The following CCP110 variants were observed in gnomAD, a reference collection of about 807,000 sequenced individuals.
The protein encoded by CCP110 is centriolar coiled-coil protein 110, also known as centriolar coiled-coil protein of 110 kDa.
CCP110 carries 43 observed loss-of-function variants against 105.5 expected under a neutral mutation model. That is an observed-to-expected ratio of 0.41 (90% confidence interval 0.32 to 0.53). CCP110 has a LOEUF of 0.53. Ranked by LOEUF, CCP110 falls within the 20% of genes least tolerant of loss-of-function variation. The pLI is 0.32. For synonymous variants in CCP110, 353 were observed against 392.1 expected, an observed-to-expected ratio of 0.90 and a Z score of 1.18; for missense variants, 1,016 against 1,189.1, an observed-to-expected ratio of 0.85 and a Z score of 2.14.
At chr16:19,547,601 G>C (rs1970506493) in intron 12 of CCP110, 1 of 172,562 alleles carries the variant, frequency 5.8e-6, no homozygotes, top group Non-Finnish European at 1.2e-5. Flanking sequence ...TTTCTGACCT[G>C]TTTTTTACTC....
At chr16:19,552,526 C>CAAAAAAA (rs11358961) in exon 15 of CCP110, 1 of 92,786 alleles carries the variant, frequency 1.1e-5, no homozygotes, top group Non-Finnish European at 2.5e-5. Flanking sequence ...GACACTGTCT[C>CAAAAAAA]AAAAAAAAAA....
At chr16:19,551,507 G>T in exon 15 of CCP110, 1 of 451,474 alleles carries the variant, frequency 2.2e-6, no homozygotes, top group Non-Finnish European at 4.0e-6. Context: ...ACAAACATAA[G>T]TTTATTTTAT....
chr16:19,524,303 G>A lies in CCP110; in HGVS notation c.-16+215G>A, dbSNP rs113007811. Among the ~76,000 whole-genome samples, 5 of 152,268 alleles carry A rather than the reference G, an allele frequency of 3.3e-5. No homozygotes were observed. The South Asian group carries it at 1.0e-3, about 32-fold the overall frequency. On this transcript the variant is annotated intron_variant, in intron 1 of 14. Transcript: ENST00000381396. ...GATGCTCCGATGCTGGCCCCGCCTG[G>A]AGGGCCCTCGGTTTGGAGTCTTAAA... is the stretch of plus-strand genomic sequence containing the variant.
chr16:19,531,839 G>A (rs537320807), intron 2 of CCP110, among the ~76,000 whole-genome samples: 2 of 152,124 alleles, frequency 1.3e-5, no homozygotes, highest in Admixed American at 1.3e-4. Context: ...GGTGGCACGC[G>A]CCTGTAAGCC....
rs1194551913 is a variant in CCP110, at chr16:19,551,146, T to C, written c.2987-50T>C. The C allele has an allele frequency of 2.8e-6, 3 of 1,080,986 alleles. No homozygotes were observed. In the African/African-American group the frequency reaches 4.7e-5, roughly 17 times the overall value. The allele number at this position is 1,080,986 out of a possible 1,614,324, so 67.0% of individuals were successfully genotyped here. ...GTAAAAACTCATTAAATGGTATCAT[T>C]ATAGAAAACCTCCCATTGAGAAGTA... On this transcript the variant is annotated intron_variant, in intron 14 of 14. Transcript: ENST00000381396.
chr16:19,546,815 C>T (rs1289158222), intron 12 of CCP110: 1 of 100,128 alleles, frequency 1.0e-5, no homozygotes, highest in Non-Finnish European at 2.2e-5. Flanking sequence ...AACTCTATCT[C>T]AAAAAAAAAA....
In CCP110 at chr16:19,532,449, G is replaced by T. The variant is rs750342809; in HGVS notation, c.175G>T (p.Glu59Ter). 6.2e-7 allele frequency: 1 copy of T among 1,606,164 alleles called. No individual in the cohort carries two copies. The highest frequency in any genetic ancestry group is 1.3e-5 in the African/African-American group (1 of 74,604). Residue 59 changes from glutamate to a stop codon, truncating the protein, a stop_gained, in exon 3 of 15, where the codon GAA becomes TAA. Transcript: ENST00000381396. LOFTEE classifies it high-confidence loss of function. Reference sequence around the variant, plus strand: ...TGAGAAAAGAAAGGAAATGCAACAAGAAAAGCAGAAAGCACTTGATGTAGA... The same window carrying T: ...TGAGAAAAGAAAGGAAATGCAACAATAAAAGCAGAAAGCACTTGATGTAGA...
rs1164690143 is a variant in CCP110, at chr16:19,538,302, C to CTTTTTTTTTTTTTT, written c.1918+730_1918+743dup. Among the ~76,000 whole-genome samples the CTTTTTTTTTTTTTT allele has an allele frequency of 1.3e-3, 72 of 55,244 alleles. 17 individuals carry two copies. The highest frequency in any genetic ancestry group is 4.2e-3 in the African/African-American group (47 of 11,086). The allele number at this position is 55,244 out of a possible 152,430, so 36.2% of individuals were successfully genotyped here. A position where few individuals can be genotyped will look rare whatever the true frequency, so the allele number is the denominator to read the frequency against. On this transcript the variant is annotated intron_variant, in intron 4 of 14. Coordinates refer to ENST00000381396, the Ensembl canonical transcript of CCP110. The stretch of plus-strand genomic sequence containing the variant: ...ATATTAATAATTGGAGGAAACAGTT[C>CTTTTTTTTTTTTTT]TTTTTTTTTTTTTTTTTTTTTTTTT...
At chr16:19,531,914 C>CGA in intron 2 of CCP110, among the ~76,000 whole-genome samples, 1 of 149,374 alleles carries the variant, frequency 6.7e-6, no homozygotes, top group East Asian at 2.0e-4. Context: ...TGCAGTGAGC[C>CGA]GAGATCGCAC....
At position 19,537,604 on chromosome 16, in the gene CCP110, G is replaced by A; in HGVS notation, c.1918+17G>A. On this transcript the variant is annotated intron_variant, in intron 4 of 14. Transcript: ENST00000381396. ...GTTCCAAAGGTAAGGAATCTTTGAA[G>A]CGTTTGATACCTTCTATGCAGATAC... 2.2e-6 allele frequency: 3 copies of A among 1,367,080 alleles called. No homozygotes were observed. Among genetic ancestry groups the A allele is most frequent in the Non-Finnish European group, 3.0e-6 (3 of 990,526 alleles). 84.7% of individuals were successfully genotyped at this position (1,367,080 alleles called of 1,614,324 possible). A position where few individuals can be genotyped will look rare whatever the true frequency, so the allele number is the denominator to read the frequency against.
chr16:19,536,638 G>C (rs1310625146), exon 4 of CCP110: 2 of 1,614,090 alleles, frequency 1.2e-6, no homozygotes, highest in South Asian at 2.2e-5. Context: ...TTTCGAAAGT[G>C]GACATACCTA....
At chr16:19,530,467 G>A (rs1821911) in intron 2 of CCP110, among the ~76,000 whole-genome samples, 7,193 of 151,616 alleles carry the variant, frequency 0.047, 208 homozygotes, top group African/African-American at 0.078. Context: ...CCAACATGAC[G>A]AAACCCCGTC....
chr16:19,532,259 C>T lies in CCP110; in HGVS notation c.142-157C>T, dbSNP rs191137056. On this transcript the variant is annotated intron_variant, in intron 2 of 14. Transcript: ENST00000381396. ...CTTCACCATGGAAAGATCTCTAATGCCCCATCCCACTCAGTACCCAGACCA... is the reference window on the plus strand; with the variant it reads ...CTTCACCATGGAAAGATCTCTAATGTCCCATCCCACTCAGTACCCAGACCA... Among the ~76,000 whole-genome samples, 4 of 152,310 alleles carry T rather than the reference C, an allele frequency of 2.6e-5. No homozygotes were observed. In the East Asian group the frequency reaches 5.8e-4, roughly 22 times the overall value.
chr16:19,529,577 A>G (rs1021202555), intron 2 of CCP110, among the ~76,000 whole-genome samples: 1 of 152,228 alleles, frequency 6.6e-6, no homozygotes, highest in African/African-American at 2.4e-5. Flanking sequence ...GTGTGTGTGT[A>G]CATATGACAT....
At chr16:19,532,275 A>G (rs2151465238) in intron 2 of CCP110, 141 bp from the exon 3 acceptor site, 2 of 630,944 alleles carry the variant, frequency 3.2e-6, no homozygotes, top group Non-Finnish European at 5.2e-6. Context: ...CCCACTCAGT[A>G]CCCAGACCAT....
intron 1 of CCP110, chr16:19,527,134 T>C (rs1838494877): frequency 6.6e-6 from 1 of 152,204 alleles, no homozygotes; most frequent in Admixed American, 6.5e-5. Flanking sequence ...TGGTGATGGT[T>C]CCAATTTTCA....
chr16:19,542,689 T>A, exon 7 of CCP110: 1 of 1,613,544 alleles, frequency 6.2e-7, no homozygotes, highest in Admixed American at 1.7e-5. Context: ...CCTCTGGGGA[T>A]CATCAACTAG....
intron 3 of CCP110, among the ~76,000 whole-genome samples, chr16:19,534,728 AAGTATGTCTT>A (rs1231622499): frequency 3.3e-5 from 5 of 152,046 alleles, no homozygotes; most frequent in Non-Finnish European, 1.5e-5. Context: ...GGTTGTGACT[AAGTATGTCTT>A]ATTGTACTGT....
intron 6 of CCP110, 145 bp from the exon 7 acceptor site, chr16:19,542,476 A>C (rs1363536327): frequency 1.4e-5 from 9 of 624,116 alleles, no homozygotes; most frequent in Admixed American, 2.9e-5. Context: ...GTAAGCTTTA[A>C]AGTCCATAAA....
Sources: gnomAD v4.1 joint callset for allele counts (sites outside exome capture counted in the v4.1 genomes callset) on GRCh38, gnomAD v4.1.1 for gene constraint, MANE v1.5 for transcripts, NCBI Gene and HGNC (gene_info 2026-07-23, HGNC 2026-07-21) for gene names.